EGLN3: variants seen among roughly 807,000 people sequenced by gnomAD.
EGLN3 encodes prolyl hydroxylase EGLN3.
EGLN3 carries 15 observed loss-of-function variants against 26.0 expected under a neutral mutation model. The ratio of observed to expected loss-of-function variants is 0.58; its 90% CI spans 0.39 to 0.89. The LOEUF is 0.89. Among genes scored for constraint, EGLN3 ranks in the 40% least tolerant of loss-of-function variants. The probability of loss-of-function intolerance (pLI) is 0.00; values close to 1 mark genes in which losing one functional copy is unlikely to be tolerated. For missense variants in EGLN3, 238 were observed against 311.6 expected (o/e 0.76, Z 1.78); for synonymous variants, 147 against 127.2 (o/e 1.16, Z -1.05).
chr14:33,944,849 C>T (rs1053447143), intron 1 of EGLN3, among the ~76,000 whole-genome samples: 10 of 152,178 alleles, frequency 6.6e-5, no homozygotes, highest in Non-Finnish European at 1.3e-4. Context: ...TGAATTAAAT[C>T]GATATCCCTT....
At chr14:33,946,559 T>G (rs539223356) in intron 1 of EGLN3, among the ~76,000 whole-genome samples, 75 of 152,262 alleles carry the variant, frequency 4.9e-4, no homozygotes, top group African/African-American at 1.8e-3. Flanking sequence ...TCGTTCATCA[T>G]GGCACCACCA....
chr14:33,929,620 G>T (rs1225811356), intron 2 of EGLN3, among the ~76,000 whole-genome samples: 1 of 152,166 alleles, frequency 6.6e-6, no homozygotes, highest in African/African-American at 2.4e-5. Context: ...CTGAAGTGCT[G>T]GGATTATAGG....
chr14:33,939,123 TAAGAC>T (rs938003814), intron 1 of EGLN3, among the ~76,000 whole-genome samples: 8 of 152,072 alleles, frequency 5.3e-5, no homozygotes, highest in Non-Finnish European at 8.8e-5. Context: ...AAATAATTGG[TAAGAC>T]AAGACTTTAA....
chr14:33,949,974 G>A, intron 1 of EGLN3: 1 of 349,294 alleles, frequency 2.9e-6, no homozygotes, highest in Non-Finnish European at 5.2e-6. Context: ...AATCTCTTCT[G>A]ACCACAATGA....
At chr14:33,932,529 A>T (rs1275911468) in intron 1 of EGLN3, among the ~76,000 whole-genome samples, 4 of 152,086 alleles carry the variant, frequency 2.6e-5, no homozygotes, top group Non-Finnish European at 4.4e-5. Context: ...AAAACACGGA[A>T]CTAGGCAAAA....
At chr14:33,950,311 G>T (rs527597710) in intron 1 of EGLN3, 85 bp downstream of exon 1, 1 of 1,293,886 alleles carries the variant, frequency 7.7e-7, no homozygotes, top group East Asian at 2.3e-5. Flanking sequence ...TTCGCTTACG[G>T]CCCTGGGAAG....
intron 1 of EGLN3, among the ~76,000 whole-genome samples, chr14:33,946,332 C>A (rs187864786): frequency 6.6e-6 from 1 of 151,708 alleles, no homozygotes; most frequent in Non-Finnish European, 1.5e-5. Context: ...GCCAAGATTG[C>A]GCCATTGAAC....
Position 33,925,139 on chromosome 14 carries a change from C to T in EGLN3, c.*752G>A, listed in dbSNP as rs1463277750. ...TTAAATTCCATTCCAACAAAGCAACCAAAACAACTAATGTCTAGTTTTTTA... is the reference window on the plus strand; with the variant it reads ...TTAAATTCCATTCCAACAAAGCAACTAAAACAACTAATGTCTAGTTTTTTA... On this transcript the variant is annotated 3_prime_UTR_variant, in exon 5 of 5. Coordinates refer to ENST00000250457, the MANE Select transcript of EGLN3 (RefSeq NM_022073.4). 2.6e-5 allele frequency: 4 copies of T among 151,932 alleles called. No homozygotes were observed. The highest frequency in any genetic ancestry group is 2.0e-4 in the Admixed American group (3 of 15,246). The allele number at this position is 151,932 out of a possible 1,614,324, so 9.4% of individuals were successfully genotyped here. A position where few individuals can be genotyped will look rare whatever the true frequency, so the allele number is the denominator to read the frequency against.
chr14:33,930,945 T>A, intron 2 of EGLN3, 151 bp downstream of exon 2: 1 of 1,216,282 alleles, frequency 8.2e-7, no homozygotes, highest in Non-Finnish European at 1.1e-6. Context: ...ACTAATTCCA[T>A]TGTCGCAGGA....
intron 2 of EGLN3, 122 bp downstream of exon 2, chr14:33,930,974 G>T: frequency 1.4e-6 from 2 of 1,387,840 alleles, no homozygotes; most frequent in South Asian, 1.4e-5. Flanking sequence ...AATGGAAATA[G>T]AAATGTTTCA....
chr14:33,949,875 T>G, intron 1 of EGLN3: 3 of 180,702 alleles, frequency 1.7e-5, no homozygotes, highest in Admixed American at 5.7e-5. Flanking sequence ...GAAGTGGAGT[T>G]TTACCCTTTC....
chr14:33,940,366 A>T (rs1324782942), intron 1 of EGLN3, among the ~76,000 whole-genome samples: 1 of 152,190 alleles, frequency 6.6e-6, no homozygotes, highest in Non-Finnish European at 1.5e-5. Flanking sequence ...ATAAATGTGA[A>T]CTAAAAATCG....
rs1389945623 is a variant in EGLN3, at chr14:33,950,946, C to G, written c.-194G>C. On this transcript the variant is annotated 5_prime_UTR_variant, in exon 1 of 5. Coordinates refer to ENST00000250457, the MANE Select transcript of EGLN3 (RefSeq NM_022073.4). Reference sequence around the variant, plus strand: ...ACTCTCGGGAGAAGGGATCTGCCTTCGGGAACCAGCGGGAGTGGTGCGGAG... The same window carrying G: ...ACTCTCGGGAGAAGGGATCTGCCTTGGGGAACCAGCGGGAGTGGTGCGGAG... 7 of 607,390 alleles carry G rather than the reference C, an allele frequency of 1.2e-5. No homozygotes were observed. The highest frequency in any genetic ancestry group is 1.9e-5 in the African/African-American group (1 of 54,050). The allele number at this position is 607,390 out of a possible 1,614,324, so 37.6% of individuals were successfully genotyped here.
At chr14:33,941,171 G>A (rs1419330319) in intron 1 of EGLN3, among the ~76,000 whole-genome samples, 1 of 152,172 alleles carries the variant, frequency 6.6e-6, no homozygotes, top group Non-Finnish European at 1.5e-5. Context: ...CCATCCTAGT[G>A]TCAAGTGGTA....
intron 1 of EGLN3, among the ~76,000 whole-genome samples, chr14:33,941,259 G>A (rs944173416): frequency 6.6e-6 from 1 of 152,142 alleles, no homozygotes; most frequent in African/African-American, 2.4e-5. Flanking sequence ...GGAGGACCAT[G>A]AAACTTGCCA....
At chr14:33,933,034 A>G (rs1355602610) in intron 1 of EGLN3, among the ~76,000 whole-genome samples, 2 of 152,204 alleles carry the variant, frequency 1.3e-5, no homozygotes, top group East Asian at 3.8e-4. Context: ...TGTGTCTGAA[A>G]AGAAAAAGTA....
In EGLN3 at chr14:33,925,048, C is replaced by G. The variant is rs1048644189; in HGVS notation, c.*843G>C. The stretch of plus-strand genomic sequence containing the variant: ...GTTTATTGTATATCAGTAGACCTAG[C>G]TCTTTCCACAGTTATCAGTGGTTAA... On this transcript the variant is annotated 3_prime_UTR_variant, in exon 5 of 5. Transcript: ENST00000250457. The G allele has an allele frequency of 1.3e-5, 2 of 151,340 alleles. No homozygotes were observed. Among genetic ancestry groups the G allele is most frequent in the Non-Finnish European group, 2.9e-5 (2 of 67,922 alleles). 9.4% of individuals were successfully genotyped at this position (151,340 alleles called of 1,614,324 possible). A position where few individuals can be genotyped will look rare whatever the true frequency, so the allele number is the denominator to read the frequency against.
chr14:33,943,468 G>C (rs767226075), intron 1 of EGLN3, among the ~76,000 whole-genome samples: 9 of 152,166 alleles, frequency 5.9e-5, no homozygotes, highest in Non-Finnish European at 1.3e-4. Context: ...CAACTACAAA[G>C]TGCTGCTACC....
chr14:33,925,819 G>T lies in EGLN3; in HGVS notation c.*72C>A. ...GTTGTCACTGAAGAGGCCATCTTTGGATCTCAAAGAATTTAAGAGAATTCA... is the reference window on the plus strand; with the variant it reads ...GTTGTCACTGAAGAGGCCATCTTTGTATCTCAAAGAATTTAAGAGAATTCA... On this transcript the variant is annotated 3_prime_UTR_variant, in exon 5 of 5. Transcript: ENST00000250457. The T allele has an allele frequency of 6.5e-7, 1 of 1,548,036 alleles. No homozygotes were observed. The highest frequency in any genetic ancestry group is 8.9e-7 in the Non-Finnish European group (1 of 1,120,724).
Sources: gnomAD v4.1 joint callset for allele counts (sites outside exome capture counted in the v4.1 genomes callset) on GRCh38, gnomAD v4.1.1 for gene constraint, MANE v1.5 for transcripts, NCBI Gene and HGNC (gene_info 2026-07-23, HGNC 2026-07-21) for gene names.